EVI5: variants seen among roughly 807,000 people sequenced by gnomAD.
The protein encoded by EVI5 is ecotropic viral integration site 5.
In EVI5, 73 loss-of-function variants were observed where a neutral mutation model predicts 112.0. The ratio of observed to expected loss-of-function variants is 0.65; its 90% CI spans 0.54 to 0.79. The LOEUF is 0.79. EVI5 is among the 30% of genes least tolerant of loss of function. The probability of loss-of-function intolerance (pLI) is 0.00; values close to 1 mark genes in which losing one functional copy is unlikely to be tolerated. For missense variants in EVI5, 900 were observed against 968.8 expected (o/e 0.93, Z 0.94); for synonymous variants, 305 against 319.9 (o/e 0.95, Z 0.50).
chr1:92,684,121 T>C (rs6690641), intron 9 of EVI5, among the ~76,000 whole-genome samples: 2,905 of 151,658 alleles, frequency 0.019, 107 homozygotes, highest in African/African-American at 0.066. Flanking sequence ...AAGGTTGAAA[T>C]GAAGGAAAAA....
At chr1:92,640,720 C>G (rs935408440) in intron 13 of EVI5, among the ~76,000 whole-genome samples, 2 of 152,080 alleles carry the variant, frequency 1.3e-5, no homozygotes, top group East Asian at 3.9e-4. Flanking sequence ...CCAGCAATAC[C>G]ATTACCAGGC....
intron 2 of EVI5, among the ~76,000 whole-genome samples, chr1:92,716,180 T>C (rs1033225748): frequency 6.6e-6 from 1 of 152,096 alleles, no homozygotes; most frequent in African/African-American, 2.4e-5. Context: ...CTGACCCCCA[T>C]GTAGCCTAAC....
At chr1:92,659,737 G>A (rs1266465672) in intron 13 of EVI5, among the ~76,000 whole-genome samples, 1 of 151,842 alleles carries the variant, frequency 6.6e-6, no homozygotes, top group African/African-American at 2.4e-5. Context: ...CCTACTACTG[G>A]GTATCTACCC....
In EVI5 at chr1:92,792,287, A is replaced by G. The variant is rs746901248; in HGVS notation, c.51+57T>C. The stretch of plus-strand genomic sequence containing the variant: ...TCAATAACAAATTACTTTCTGTTAC[A>G]GCAATTACATTTTTATAAGTTTTAA... On this transcript the variant is annotated intron_variant, in intron 1 of 17. Transcript: ENST00000370331. 4.2e-5 allele frequency: 47 copies of G among 1,115,812 alleles called. No individual in the cohort carries two copies. In the East Asian group the frequency reaches 1.0e-3, roughly 24 times the overall value. The allele number at this position is 1,115,812 out of a possible 1,614,324, so 69.1% of individuals were successfully genotyped here. A position where few individuals can be genotyped will look rare whatever the true frequency, so the allele number is the denominator to read the frequency against.
intron 18 of EVI5, among the ~76,000 whole-genome samples, chr1:92,602,380 AAC>A (rs1273766242): frequency 6.6e-6 from 1 of 152,066 alleles, no homozygotes; most frequent in Non-Finnish European, 1.5e-5. Flanking sequence ...GAAGTGACAA[AAC>A]ACATTTATTT....
chr1:92,544,746 T>C (rs550445836), intron 19 of EVI5, among the ~76,000 whole-genome samples: 40 of 152,340 alleles, frequency 2.6e-4, no homozygotes, highest in African/African-American at 9.6e-4. Context: ...CACACTATTC[T>C]GCCACTGAAC....
chr1:92,514,932 T>G (rs1220045899), intron 19 of EVI5, among the ~76,000 whole-genome samples: 1 of 152,200 alleles, frequency 6.6e-6, no homozygotes, highest in Non-Finnish European at 1.5e-5. Context: ...GGCCAGCATA[T>G]CACCGTCACT....
At position 92,513,959 on chromosome 1, in the gene EVI5, T is replaced by C. The variant is rs1659462220; in HGVS notation, c.2178A>G (p.Leu726=). The C allele has an allele frequency of 6.4e-7, 1 of 1,561,290 alleles. No homozygotes were observed. Among genetic ancestry groups the C allele is most frequent in the Non-Finnish European group, 8.7e-7 (1 of 1,149,686 alleles). The change falls in exon 20 of 20, where the codon CTA becomes CTG. Residue 726 remains leucine, a synonymous_variant. Coordinates refer to ENST00000684568, the MANE Select transcript of EVI5 (RefSeq NM_001350197.2). ...GGCCTGAGAAGCCCCTCTGGCCTTT[T>C]AGGCACCTGAGCTGTTAAAACAAAA... ...IAELNHELRC[L]KGQRGFSGQP...
At chr1:92,717,220 A>G (rs980630688) in intron 2 of EVI5, among the ~76,000 whole-genome samples, 6 of 152,148 alleles carry the variant, frequency 3.9e-5, no homozygotes, top group Admixed American at 2.6e-4. Flanking sequence ...ACTCCTCAAG[A>G]AGAGCAACCC....
intron 18 of EVI5, among the ~76,000 whole-genome samples, chr1:92,604,388 AAC>A (rs58653900): frequency 0.92 from 139,685 of 151,620 alleles, 64,432 homozygotes; most frequent in East Asian, 0.97. Context: ...TTGTGTTAAA[AAC>A]TAAGATATTA....
At chr1:92,695,223 C>T in intron 7 of EVI5, 87 bp downstream of exon 7, 2 of 1,105,164 alleles carry the variant, frequency 1.8e-6, no homozygotes, top group Non-Finnish European at 2.6e-6. Flanking sequence ...ACATGGCTTT[C>T]CTTCATTGCT....
chr1:92,677,234 A>T lies in EVI5; in HGVS notation c.1098-16T>A, dbSNP rs201175986. ...CTTTTCAAGCCTAAGAAAGGAAAAAAAAAGAGTTAAAGGTAATGTTTTCAT... is the reference window on the plus strand; with the variant it reads ...CTTTTCAAGCCTAAGAAAGGAAAAATAAAGAGTTAAAGGTAATGTTTTCAT... On this transcript the variant is annotated splice_polypyrimidine_tract_variant and intron_variant, in intron 9 of 19. Transcript: ENST00000684568. 1.2e-5 allele frequency: 17 copies of T among 1,421,036 alleles called. No individual in the cohort carries two copies. In the East Asian group the frequency reaches 3.2e-4, roughly 27 times the overall value. 88.0% of individuals were successfully genotyped at this position (1,421,036 alleles called of 1,614,324 possible).
intron 13 of EVI5, among the ~76,000 whole-genome samples, chr1:92,643,956 G>A (rs185184123): frequency 3.3e-5 from 5 of 152,248 alleles, no homozygotes; most frequent in Non-Finnish European, 5.9e-5. Flanking sequence ...AATAAATGTA[G>A]AAAAATGAGA....
intron 19 of EVI5, among the ~76,000 whole-genome samples, chr1:92,545,255 A>G (rs1033561248): frequency 1.3e-5 from 2 of 152,068 alleles, no homozygotes; most frequent in African/African-American, 2.4e-5. Context: ...TAATTTTTTA[A>G]AAGAGAGACA....
chr1:92,734,364 G>C (rs1224253823), intron 2 of EVI5, among the ~76,000 whole-genome samples: 2 of 152,176 alleles, frequency 1.3e-5, no homozygotes, highest in African/African-American at 2.4e-5. Context: ...CAAAACACTT[G>C]CCGAAAGTAA....
chr1:92,667,705 T>A (rs1408225312), intron 10 of EVI5, among the ~76,000 whole-genome samples: 1 of 152,166 alleles, frequency 6.6e-6, no homozygotes, highest in African/African-American at 2.4e-5. Context: ...AACCTCTGCC[T>A]CCCAGGTTCA....
chr1:92,786,235 GAA>G (rs33914637), upstream of EVI5, among the ~76,000 whole-genome samples: 119,206 of 139,868 alleles, frequency 0.85, 50,704 homozygotes, highest in East Asian at 0.93. Context: ...AAGCATTTCA[GAA>G]AAAAAAAAAA....
chr1:92,709,679 T>C (rs1013165703), intron 2 of EVI5, among the ~76,000 whole-genome samples: 2 of 152,320 alleles, frequency 1.3e-5, no homozygotes, highest in South Asian at 2.1e-4. Flanking sequence ...AACACTTGAA[T>C]TGATACCATG....
intron 13 of EVI5, among the ~76,000 whole-genome samples, chr1:92,640,061 T>C (rs1369305282): frequency 2.0e-5 from 3 of 152,372 alleles, no homozygotes; most frequent in Non-Finnish European, 4.4e-5. Flanking sequence ...GCTAGCCATA[T>C]GCAGCAAACT....
Sources: allele counts gnomAD v4.1 joint callset (sites outside exome capture counted in the v4.1 genomes callset), GRCh38; gene constraint gnomAD v4.1.1; transcripts MANE v1.5; gene names NCBI Gene and HGNC (gene_info 2026-07-23, HGNC 2026-07-21).